NINL: variants seen among roughly 807,000 people sequenced by gnomAD.
NINL encodes the protein ninein like.
Under a neutral mutation model 160.3 loss-of-function variants are expected in NINL, and 153 were observed. The observed-to-expected ratio is 0.95, with a 90% confidence interval of 0.84 to 1.09. The LOEUF (loss-of-function observed/expected upper bound fraction) is 1.09. Among genes scored for constraint, NINL ranks in the 50% least tolerant of loss-of-function variants. The pLI, the probability that NINL is intolerant of heterozygous loss-of-function variation, is 0.00. For missense variants in NINL, 1,829 were observed against 1,764.0 expected (o/e 1.04, Z -0.66); for synonymous variants, 800 against 734.8 (o/e 1.09, Z -1.43).
At chr20:25,462,671 T>TTTTC in intron 19 of NINL, 130 bp from the exon 20 acceptor site, 1 of 452,500 alleles carries the variant, frequency 2.2e-6, no homozygotes, top group Non-Finnish European at 3.4e-6. Context: ...GTTTTGTTTT[T>TTTTC]CAAGACAGGC....
chr20:25,537,688 G>A (rs2064583514), intron 1 of NINL, among the ~76,000 whole-genome samples: 2 of 152,188 alleles, frequency 1.3e-5, no homozygotes, highest in Non-Finnish European at 2.9e-5. Context: ...GCCCTCTGGA[G>A]GGACAGCCCT....
intron 23 of NINL, 113 bp downstream of exon 23, chr20:25,455,560 T>C (rs2090647979): frequency 8.0e-6 from 6 of 749,312 alleles, no homozygotes; most frequent in Non-Finnish European, 1.4e-5. Flanking sequence ...TTTAGTTCCC[T>C]GGAATTCTGT....
chr20:25,536,673 C>T (rs947449087), intron 1 of NINL, among the ~76,000 whole-genome samples: 2 of 151,786 alleles, frequency 1.3e-5, no homozygotes, highest in African/African-American at 2.4e-5. Flanking sequence ...AAGCTGAGAT[C>T]ATGCCACTGC....
At chr20:25,494,187 C>T (rs1333515050) in intron 10 of NINL, among the ~76,000 whole-genome samples, 1 of 149,568 alleles carries the variant, frequency 6.7e-6, no homozygotes, top group East Asian at 2.0e-4. Context: ...GCCCCACGCA[C>T]ACTCAGCAAC....
chr20:25,466,346 G>T (rs1319840340), intron 19 of NINL, among the ~76,000 whole-genome samples: 1 of 152,106 alleles, frequency 6.6e-6, no homozygotes, highest in East Asian at 1.9e-4. Flanking sequence ...AAATGGTTCA[G>T]AACACACACA....
chr20:25,514,916 G>A (rs2064134948), intron 3 of NINL, among the ~76,000 whole-genome samples: 1 of 152,216 alleles, frequency 6.6e-6, no homozygotes, highest in African/African-American at 2.4e-5. Flanking sequence ...GAGGATATAT[G>A]AAGACATCTG....
chr20:25,576,955 G>A (rs912098011), intron 1 of NINL, among the ~76,000 whole-genome samples: 2 of 152,226 alleles, frequency 1.3e-5, no homozygotes, highest in African/African-American at 4.8e-5. Flanking sequence ...CTTGAACTAT[G>A]CAGGCTGTGG....
chr20:25,461,781 T>G, intron 20 of NINL, 146 bp from the exon 21 acceptor site: 4 of 586,034 alleles, frequency 6.8e-6, no homozygotes, highest in Non-Finnish European at 6.0e-6. Context: ...GCCGGCCCTG[T>G]GTCCTGCAGT....
At chr20:25,477,169 G>GC (rs2063279448) in intron 16 of NINL, 80 bp from the exon 17 acceptor site, 5 of 1,330,490 alleles carry the variant, frequency 3.8e-6, no homozygotes, top group Non-Finnish European at 5.0e-6. Flanking sequence ...CCCAGCTGTT[G>GC]CAACGGCTGC....
chr20:25,476,085 A>ACGACG lies in NINL; in HGVS notation c.3201_3205dup (p.Val1069AlafsTer10), dbSNP rs1318978205. On this transcript the variant is annotated frameshift_variant, in exon 17 of 24. Transcript: ENST00000278886. LOFTEE classifies it high-confidence loss of function. The stretch of plus-strand genomic sequence containing the variant: ...ATCTACATGTTTCTCCAGAGCCCGG[A>ACGACG]CGACGTCTTCCAGATGTAGAAGTTT... 5.0e-6 allele frequency: 8 copies of ACGACG among 1,613,990 alleles called. No homozygotes were observed. Among genetic ancestry groups the ACGACG allele is most frequent in the Admixed American group, 1.7e-5 (1 of 60,030 alleles).
chr20:25,456,311 T>A (rs1346750731), intron 22 of NINL, among the ~76,000 whole-genome samples: 2 of 127,516 alleles, frequency 1.6e-5, no homozygotes, highest in Non-Finnish European at 3.2e-5. Context: ...ACTTTGGGAG[T>A]CTGAGGCGGG....
chr20:25,518,734 G>GT lies in NINL; in HGVS notation c.181-886dup, dbSNP rs1188629293. ...TTTCTGCTTTCAATTTGACTTGCTT[G>GT]TTTTTTCTCTCCCCTCCCCCACCCT... On this transcript the variant is annotated intron_variant, in intron 2 of 23. Transcript: ENST00000278886. Among the ~76,000 whole-genome samples, 5 of 152,118 alleles carry GT rather than the reference G, an allele frequency of 3.3e-5. No homozygotes were observed. The South Asian group carries it at 1.0e-3, about 32-fold the overall frequency.
chr20:25,549,356 C>T (rs2064779470), intron 1 of NINL, among the ~76,000 whole-genome samples: 1 of 151,408 alleles, frequency 6.6e-6, no homozygotes, highest in Admixed American at 6.6e-5. Flanking sequence ...TCATCCAGGG[C>T]TGACCCCGGC....
At chr20:25,493,799 G>A (rs554910598) in intron 10 of NINL, among the ~76,000 whole-genome samples, 127 of 152,034 alleles carry the variant, frequency 8.4e-4, no homozygotes, top group Admixed American at 3.7e-3. Context: ...TGCCTTCCAG[G>A]CTCAGGGCAG....
intron 22 of NINL, 107 bp downstream of exon 22, chr20:25,458,276 G>T: frequency 7.2e-7 from 1 of 1,385,648 alleles, no homozygotes; most frequent in Non-Finnish European, 1.0e-6. Context: ...CTACATACGT[G>T]ACTCATGTAT....
At chr20:25,577,553 T>G (rs571809146) in intron 1 of NINL, among the ~76,000 whole-genome samples, 1 of 152,360 alleles carries the variant, frequency 6.6e-6, no homozygotes, top group Admixed American at 6.5e-5. Context: ...TTTAAATAAT[T>G]AATAGCTGTT....
chr20:25,455,847 C>G (rs2090658863), intron 22 of NINL, 61 bp from the exon 23 acceptor site: 12 of 1,382,010 alleles, frequency 8.7e-6, no homozygotes, highest in Non-Finnish European at 1.2e-5. Flanking sequence ...AATCCCAGCA[C>G]TTTGGGAGGC....
intron 13 of NINL, among the ~76,000 whole-genome samples, chr20:25,486,399 G>T (rs774597793): frequency 3.9e-5 from 6 of 152,190 alleles, no homozygotes; most frequent in Admixed American, 6.5e-5. Flanking sequence ...AAAGAAAGAA[G>T]GGTTTTAAAT....
intron 17 of NINL, 131 bp downstream of exon 17, chr20:25,475,912 C>G: frequency 2.2e-6 from 2 of 911,802 alleles, no homozygotes. Context: ...AAGGGCTACA[C>G]AGCCCCCATC....
Sources: gnomAD v4.1 joint callset for allele counts (sites outside exome capture counted in the v4.1 genomes callset) on GRCh38, gnomAD v4.1.1 for gene constraint, MANE v1.5 for transcripts, NCBI Gene and HGNC (gene_info 2026-07-23, HGNC 2026-07-21) for gene names.